GLI2: variants seen among roughly 807,000 people sequenced by gnomAD.
The protein encoded by GLI2 is GLI family zinc finger 2.
A neutral mutation model predicts 78.9 loss-of-function variants in GLI2; 22 were observed. That is an observed-to-expected ratio of 0.28 (90% CI 0.20 to 0.40). GLI2 has a LOEUF of 0.40. GLI2 is among the 10% of genes least tolerant of loss of function. The probability of loss-of-function intolerance (pLI) is 1.00; values close to 1 mark genes in which losing one functional copy is unlikely to be tolerated. For synonymous variants in GLI2, 974 were observed against 963.7 expected (o/e 1.01, Z -0.20); for missense variants, 2,097 against 2,213.2 (o/e 0.95, Z 1.05).
intron 2 of GLI2, among the ~76,000 whole-genome samples, chr2:120,806,149 C>T (rs987460145): frequency 1.3e-5 from 2 of 152,114 alleles, no homozygotes; most frequent in African/African-American, 2.4e-5. Flanking sequence ...TTTATCATTA[C>T]TTGGGAGGGG....
chr2:120,974,023 G>A (rs1422410187), intron 8 of GLI2, among the ~76,000 whole-genome samples: 2 of 152,178 alleles, frequency 1.3e-5, no homozygotes, highest in Non-Finnish European at 2.9e-5. Flanking sequence ...TCATCCCCCT[G>A]AGCCTGACTA....
At chr2:120,895,113 A>C (rs541489417) in intron 2 of GLI2, among the ~76,000 whole-genome samples, 1 of 152,234 alleles carries the variant, frequency 6.6e-6, no homozygotes, top group African/African-American at 2.4e-5. Flanking sequence ...TGGACACTGC[A>C]TGGACCTCAG....
intron 3 of GLI2, among the ~76,000 whole-genome samples, chr2:120,932,923 G>A (rs935416887): frequency 6.6e-6 from 1 of 152,172 alleles, no homozygotes; most frequent in African/African-American, 2.4e-5. Context: ...TGTGGTGGGG[G>A]TCTTTCTTTC....
At chr2:120,787,902 T>G (rs1360071742) in intron 1 of GLI2, among the ~76,000 whole-genome samples, 1 of 152,134 alleles carries the variant, frequency 6.6e-6, no homozygotes, top group Non-Finnish European at 1.5e-5. Flanking sequence ...CCCGAGAGTT[T>G]AGATGTCAGA....
intron 7 of GLI2, 91 bp from the exon 8 acceptor site, chr2:120,971,850 G>A: frequency 9.2e-7 from 1 of 1,082,950 alleles, no homozygotes; most frequent in African/African-American, 1.5e-5. Context: ...GATGGTCTGT[G>A]CGGAGAGATC....
At chr2:120,926,566 A>T (rs1473280352) in intron 2 of GLI2, among the ~76,000 whole-genome samples, 1 of 152,222 alleles carries the variant, frequency 6.6e-6, no homozygotes, top group Non-Finnish European at 1.5e-5. Context: ...ACTTTGTTAA[A>T]AGCCTTCTTT....
Position 120,737,392 on chromosome 2 carries a change from A to T in GLI2, c.-31+1107A>T, listed in dbSNP as rs1023422369. Among the ~76,000 whole-genome samples the T allele has an allele frequency of 3.3e-5, 5 of 152,102 alleles. No individual in the cohort carries two copies. The highest frequency in any genetic ancestry group is 5.9e-5 in the Non-Finnish European group (4 of 68,024). On this transcript the variant is annotated intron_variant, in intron 1 of 13. Transcript: ENST00000361492. The surrounding 1 kb of genome is among the most constrained non-coding windows in gnomAD (Gnocchi z 4.3). The stretch of plus-strand genomic sequence containing the variant: ...CCTCACCCTGGGTGATCGGTCGCTG[A>T]GGCTCTCGGGGACCTCGAGCCCCCC...
chr2:120,966,809 C>T (rs947357300), intron 5 of GLI2, among the ~76,000 whole-genome samples: 4 of 152,186 alleles, frequency 2.6e-5, no homozygotes, highest in Non-Finnish European at 4.4e-5. Flanking sequence ...CTCAGAGGCT[C>T]GTAGGCCATC....
At chr2:120,745,666 C>T (rs1445102814) in intron 1 of GLI2, among the ~76,000 whole-genome samples, 1 of 152,214 alleles carries the variant, frequency 6.6e-6, no homozygotes, top group Non-Finnish European at 1.5e-5. Context: ...TTTTGCACTG[C>T]AGACTTCATT....
intron 5 of GLI2, 74 bp from the exon 6 acceptor site, chr2:120,968,640 T>G: frequency 9.2e-7 from 1 of 1,088,198 alleles, no homozygotes; most frequent in South Asian, 1.2e-5. Context: ...AGGCTCTTCC[T>G]ATCCCCCACC....
At chr2:120,957,474 A>G (rs1202918395) in intron 5 of GLI2, among the ~76,000 whole-genome samples, 1 of 152,264 alleles carries the variant, frequency 6.6e-6, no homozygotes, top group Non-Finnish European at 1.5e-5. Context: ...TGCCAATATT[A>G]GAAACCAAAC....
At position 120,988,850 on chromosome 2, in the gene GLI2, T is replaced by C. The variant is rs959912590; in HGVS notation, c.2885T>C (p.Leu962Pro). 2 of 1,488,940 alleles carry C rather than the reference T, an allele frequency of 1.3e-6. No homozygotes were observed. Among genetic ancestry groups the C allele is most frequent in the Admixed American group, 2.1e-5 (1 of 48,242 alleles). The allele number at this position is 1,488,940 out of a possible 1,614,324, so 92.2% of individuals were successfully genotyped here. A position where few individuals can be genotyped will look rare whatever the true frequency, so the allele number is the denominator to read the frequency against. The change falls in exon 14 of 14, where the codon CTG becomes CCG. Residue 962 changes from leucine (L) to proline (P), a missense_variant. Leu to Pro is a moderately conservative substitution (Grantham distance 98). This residue lies in a region of GLI2 where 1,290 missense variants were observed against 1,261.7 expected (regional missense o/e 1.02). Coordinates refer to ENST00000361492, the MANE Select transcript of GLI2 (RefSeq NM_001374353.1). ...GACCCTGTGCGGCGGCCCGATGCCCTGTCCCTGCCGCGGGTGCAGCGCTTC... is the reference window on the plus strand; with the variant it reads ...GACCCTGTGCGGCGGCCCGATGCCCCGTCCCTGCCGCGGGTGCAGCGCTTC... ...ASDPVRRPDA[L>P]SLPRVQRFHS...
chr2:120,883,589 C>T (rs1050512970), intron 2 of GLI2, among the ~76,000 whole-genome samples: 3 of 152,204 alleles, frequency 2.0e-5, no homozygotes, highest in Non-Finnish European at 2.9e-5. Context: ...GCATTTGCTA[C>T]GCTGACCCGT....
chr2:120,737,418 C>G lies in GLI2; in HGVS notation c.-31+1133C>G, dbSNP rs1453747318. On this transcript the variant is annotated intron_variant, in intron 1 of 13. Transcript: ENST00000361492. The surrounding 1 kb of genome is among the most constrained non-coding windows in gnomAD (Gnocchi z 4.3). ...GGCTCTCGGGGACCTCGAGCCCCCCCGAGGGTGCCTCTTTCCACTACCTTC... is the reference window on the plus strand; with the variant it reads ...GGCTCTCGGGGACCTCGAGCCCCCCGGAGGGTGCCTCTTTCCACTACCTTC... Among the ~76,000 whole-genome samples, 1 of 152,188 alleles carries G rather than the reference C, an allele frequency of 6.6e-6. No homozygotes were observed. The highest frequency in any genetic ancestry group is 1.5e-5 in the Non-Finnish European group (1 of 68,030).
At chr2:120,852,163 T>C (rs1000377649) in intron 2 of GLI2, among the ~76,000 whole-genome samples, 2 of 152,142 alleles carry the variant, frequency 1.3e-5, no homozygotes, top group Non-Finnish European at 2.9e-5. Context: ...CAGATGGCAT[T>C]CGCCTGTGTG....
chr2:120,956,596 G>T (rs1433841668), intron 5 of GLI2, among the ~76,000 whole-genome samples: 2 of 152,120 alleles, frequency 1.3e-5, no homozygotes, highest in African/African-American at 4.8e-5. Flanking sequence ...AGGGAGGCAG[G>T]GCAGCCAGTA....
chr2:120,978,735 G>A, intron 10 of GLI2, 152 bp downstream of exon 10: 1 of 842,432 alleles, frequency 1.2e-6, no homozygotes, highest in Non-Finnish European at 1.9e-6. Flanking sequence ...TTCCCACCCT[G>A]CCTGTTTGGG....
At chr2:120,986,722 G>A (rs1682999058) in intron 13 of GLI2, 108 bp downstream of exon 13, 2 of 856,868 alleles carry the variant, frequency 2.3e-6, no homozygotes, top group Non-Finnish European at 3.8e-6. Flanking sequence ...ATTCCTACAG[G>A]ATCTTACCAG....
At chr2:120,747,312 A>C (rs1247297316) in intron 1 of GLI2, among the ~76,000 whole-genome samples, 1 of 152,212 alleles carries the variant, frequency 6.6e-6, no homozygotes, top group Admixed American at 6.5e-5. Context: ...CACACAAGCC[A>C]CTTGCAAAAT....
Sources: allele counts gnomAD v4.1 joint callset (sites outside exome capture counted in the v4.1 genomes callset), GRCh38; gene constraint gnomAD v4.1.1; regional missense constraint gnomAD v4.1.1; non-coding constraint Gnocchi (gnomAD v3.1); transcripts MANE v1.5; gene names NCBI Gene and HGNC (gene_info 2026-07-23, HGNC 2026-07-21).